The following MAP2 variants were observed in gnomAD, a reference collection of about 807,000 sequenced individuals.
MAP2 encodes the protein microtubule associated protein 2.
A neutral mutation model predicts 137.6 loss-of-function variants in MAP2; 14 were observed. The observed-to-expected ratio is 0.10, with a 90% confidence interval of 0.07 to 0.16. The LOEUF (loss-of-function observed/expected upper bound fraction) is 0.16. Among genes scored for constraint, MAP2 ranks in the 10% least tolerant of loss-of-function variants. The probability of loss-of-function intolerance (pLI) is 1.00; values close to 1 mark genes in which losing one functional copy is unlikely to be tolerated. For synonymous variants in MAP2, 786 were observed against 782.3 expected, an observed-to-expected ratio of 1.00 and a Z score of -0.08; for missense variants, 2,088 against 2,191.5, an observed-to-expected ratio of 0.95 and a Z score of 0.94.
chr2:209,730,437 T>C lies in MAP2; in HGVS notation c.*40T>C. 6.7e-7 allele frequency: 1 copy of C among 1,494,172 alleles called. No individual in the cohort carries two copies. Among genetic ancestry groups the C allele is most frequent in the Non-Finnish European group, 9.3e-7 (1 of 1,079,658 alleles). The allele number at this position is 1,494,172 out of a possible 1,614,324, so 92.6% of individuals were successfully genotyped here. On this transcript the variant is annotated 3_prime_UTR_variant, in exon 16 of 16. Coordinates refer to ENST00000682079, the MANE Select transcript of MAP2 (RefSeq NM_001375505.1). ...GCATTGAAATAATAATATTTAGGCATGAGCTCTTGGCAGGAGTGGGCTCTG... is the reference window on the plus strand; with the variant it reads ...GCATTGAAATAATAATATTTAGGCACGAGCTCTTGGCAGGAGTGGGCTCTG...
intron 3 of MAP2, among the ~76,000 whole-genome samples, chr2:209,611,211 A>C (rs7576860): frequency 0.017 from 2,584 of 152,158 alleles, 85 homozygotes; most frequent in African/African-American, 0.059. Context: ...TAGACCTTAG[A>C]TCATACTCAG....
At chr2:209,610,920 T>C (rs1319868973) in intron 3 of MAP2, among the ~76,000 whole-genome samples, 1 of 152,104 alleles carries the variant, frequency 6.6e-6, no homozygotes, top group East Asian at 1.9e-4. Context: ...AGAAATAATA[T>C]AAAGCTTTTG....
At chr2:209,479,460 A>G (rs1708202565) in intron 1 of MAP2, among the ~76,000 whole-genome samples, 1 of 152,142 alleles carries the variant, frequency 6.6e-6, no homozygotes, top group African/African-American at 2.4e-5. Flanking sequence ...ATAAAGATAC[A>G]TTTTTGATCA....
intron 1 of MAP2, among the ~76,000 whole-genome samples, chr2:209,473,565 AGT>A (rs1559207248): frequency 1.3e-5 from 2 of 152,040 alleles, no homozygotes; most frequent in Non-Finnish European, 2.9e-5. Context: ...ATCACCCCCA[AGT>A]GTCTAAATTT....
chr2:209,516,627 T>C (rs1337437002), intron 2 of MAP2, among the ~76,000 whole-genome samples: 1 of 152,118 alleles, frequency 6.6e-6, no homozygotes, highest in African/African-American at 2.4e-5. Context: ...GGGGTAAAAA[T>C]GAGTCAGTGA....
At chr2:209,519,448 T>C (rs2062967101) in intron 2 of MAP2, among the ~76,000 whole-genome samples, 1 of 152,056 alleles carries the variant, frequency 6.6e-6, no homozygotes, top group Non-Finnish European at 1.5e-5. Flanking sequence ...AACCCTGAAG[T>C]TAGGCTCCTA....
At chr2:209,723,688 G>GT (rs749950378) in intron 13 of MAP2, 74 of 1,611,406 alleles carry the variant, frequency 4.6e-5, no homozygotes, top group Non-Finnish European at 6.2e-5. Context: ...GGGCGGAAAT[G>GT]TAAGTAGAAG....
intron 1 of MAP2, among the ~76,000 whole-genome samples, chr2:209,462,717 A>G (rs1703129835): frequency 6.6e-6 from 1 of 152,216 alleles, no homozygotes; most frequent in Non-Finnish European, 1.5e-5. Context: ...CTATTAAACT[A>G]GTCTAATTAT....
chr2:209,535,546 C>A (rs1190233407), intron 2 of MAP2, among the ~76,000 whole-genome samples: 1 of 149,798 alleles, frequency 6.7e-6, no homozygotes, highest in Non-Finnish European at 1.5e-5. Flanking sequence ...CCCTTGCAGT[C>A]TGGCAAAGTG....
intron 1 of MAP2, among the ~76,000 whole-genome samples, chr2:209,491,560 A>G (rs1431368826): frequency 6.6e-6 from 1 of 152,078 alleles, no homozygotes; most frequent in African/African-American, 2.4e-5. Context: ...AGCCAGACCA[A>G]TAAAGAAGAG....
intron 11 of MAP2, among the ~76,000 whole-genome samples, chr2:209,701,575 C>T (rs1202483743): frequency 6.6e-6 from 1 of 152,004 alleles, no homozygotes; most frequent in Non-Finnish European, 1.5e-5. Context: ...TTAGCTTACC[C>T]TTCTAAAAAA....
At chr2:209,478,254 T>C (rs1259841170) in intron 1 of MAP2, among the ~76,000 whole-genome samples, 2 of 152,262 alleles carry the variant, frequency 1.3e-5, no homozygotes, top group East Asian at 3.9e-4. Context: ...CAGTTTAAAA[T>C]CCCTATCATG....
At position 209,693,746 on chromosome 2, in the gene MAP2, G is replaced by C. The variant is rs1468277262; in HGVS notation, c.1576G>C (p.Ala526Pro). 1.9e-6 allele frequency: 3 copies of C among 1,613,586 alleles called. No homozygotes were observed. Among genetic ancestry groups the C allele is most frequent in the Non-Finnish European group, 2.5e-6 (3 of 1,179,890 alleles). The change falls in exon 8 of 16, where the codon GCA becomes CCA. Residue 526 changes from alanine (A) to proline (P), a missense_variant. Coordinates refer to ENST00000682079, the MANE Select transcript of MAP2 (RefSeq NM_001375505.1). The part of the protein sequence containing the change: ...TLEKAMTEPS[A>P]LIEKSSIQEL... ...GGAGAAAGCCATGACCGAACCATCT[G>C]CATTAATTGAAAAGAGCTCAATTCA...
chr2:209,564,612 A>G (rs924975011), intron 2 of MAP2, among the ~76,000 whole-genome samples: 16 of 149,094 alleles, frequency 1.1e-4, no homozygotes, highest in African/African-American at 3.5e-4. Context: ...CACAACCTTC[A>G]TGTCTACTTT....
intron 2 of MAP2, among the ~76,000 whole-genome samples, chr2:209,531,306 T>C (rs2065078177): frequency 6.6e-6 from 1 of 152,206 alleles, no homozygotes; most frequent in Non-Finnish European, 1.5e-5. Context: ...GTATTCCATG[T>C]CGTCAAATAT....
intron 13 of MAP2, among the ~76,000 whole-genome samples, chr2:209,723,169 T>A (rs879591147): frequency 2.0e-5 from 3 of 152,194 alleles, no homozygotes; most frequent in Non-Finnish European, 4.4e-5. Flanking sequence ...TTGTGATGGC[T>A]GACTCTGATG....
At position 209,431,165 on chromosome 2, in the gene MAP2, C is replaced by T. The variant is rs918064707; in HGVS notation, c.-222+6889C>T. ...GGACATTCTTACTGCCTTATTTAGT[C>T]GCTTCCCAAATGGTATCATGAGGGT... On this transcript the variant is annotated intron_variant, in intron 1 of 15. Coordinates refer to ENST00000682079, the MANE Select transcript of MAP2 (RefSeq NM_001375505.1). Among the ~76,000 whole-genome samples, 9 of 151,918 alleles carry T rather than the reference C, an allele frequency of 5.9e-5. No individual in the cohort carries two copies. The East Asian group carries it at 1.3e-3, about 23-fold the overall frequency.
chr2:209,521,329 C>A (rs2063249965), intron 2 of MAP2, among the ~76,000 whole-genome samples: 1 of 151,852 alleles, frequency 6.6e-6, no homozygotes, highest in Non-Finnish European at 1.5e-5. Context: ...AATGATTTGA[C>A]CTCATTTATT....
chr2:209,696,235 G>A lies in MAP2; in HGVS notation c.4065G>A (p.Glu1355=), dbSNP rs1218678905. Residue 1355 remains glutamate (E), a synonymous_variant, in exon 8 of 16, where the codon GAG becomes GAA. Coordinates refer to ENST00000682079, the MANE Select transcript of MAP2 (RefSeq NM_001375505.1). ...DGSPEAPASP[E]REEVALSEYK... ...CCCCAGAGGCTCCAGCTTCCCCTGA[G>A]AGAGAAGAGGTTGCACTTTCTGAAT... is the stretch of plus-strand genomic sequence containing the variant. 1 of 1,613,558 alleles carries A rather than the reference G, an allele frequency of 6.2e-7. No homozygotes were observed.
Sources: gnomAD v4.1 joint callset for allele counts (sites outside exome capture counted in the v4.1 genomes callset) on GRCh38, gnomAD v4.1.1 for gene constraint, MANE v1.5 for transcripts, NCBI Gene and HGNC (gene_info 2026-07-23, HGNC 2026-07-21) for gene names.